Variants in UQCC1 observed in about 807,000 individuals in gnomAD.
UQCC1 encodes ubiquinol-cytochrome c reductase complex assembly factor 1.
A neutral mutation model predicts 48.0 loss-of-function variants in UQCC1; 38 were observed. That is an observed-to-expected ratio of 0.79 (90% CI 0.61 to 1.04). The LOEUF is 1.04. Among genes scored for constraint, UQCC1 ranks in the 50% least tolerant of loss-of-function variants. The pLI is 0.00. For synonymous variants in UQCC1, 111 were observed against 129.2 expected (o/e 0.86, Z 0.95); for missense variants, 368 against 381.8 (o/e 0.96, Z 0.30).
intron 6 of UQCC1, among the ~76,000 whole-genome samples, chr20:35,363,288 G>A (rs1389652273): frequency 6.6e-6 from 1 of 152,154 alleles, no homozygotes; most frequent in Non-Finnish European, 1.5e-5. Context: ...GCCAAGACAG[G>A]ATATAGGGGA....
intron 2 of UQCC1, chr20:35,384,614 C>T (rs1470857836): frequency 4.5e-6 from 2 of 446,608 alleles, no homozygotes; most frequent in Middle Eastern, 3.4e-4. Context: ...TGCACTTCAA[C>T]CTGGGCGACT....
chr20:35,396,113 TG>T (rs1237528420), intron 1 of UQCC1, among the ~76,000 whole-genome samples: 3 of 149,404 alleles, frequency 2.0e-5, no homozygotes, highest in Non-Finnish European at 4.4e-5. Context: ...GACTCCCAAG[TG>T]GCTGGGACTA....
At chr20:35,401,414 G>A (rs1446254121) in intron 1 of UQCC1, among the ~76,000 whole-genome samples, 1 of 152,092 alleles carries the variant, frequency 6.6e-6, no homozygotes, top group Non-Finnish European at 1.5e-5. Context: ...CACTAAACAG[G>A]CCATGAAAAG....
intron 9 of UQCC1, 44 bp from the exon 10 acceptor site, chr20:35,304,113 C>T: frequency 6.2e-7 from 1 of 1,612,086 alleles, no homozygotes; most frequent in Non-Finnish European, 8.5e-7. Flanking sequence ...AGAGGCAGGG[C>T]AGAGGTGAGG....
intron 7 of UQCC1, among the ~76,000 whole-genome samples, chr20:35,321,973 T>C (rs1006413997): frequency 6.6e-6 from 1 of 152,188 alleles, no homozygotes; most frequent in African/African-American, 2.4e-5. Flanking sequence ...GAACACATAA[T>C]ATTAAGTCCA....
At chr20:35,353,978 A>G (rs1347672030) in intron 6 of UQCC1, among the ~76,000 whole-genome samples, 4 of 152,134 alleles carry the variant, frequency 2.6e-5, no homozygotes. Flanking sequence ...GTATGTTTAG[A>G]TACATTTAGA....
intron 7 of UQCC1, among the ~76,000 whole-genome samples, chr20:35,325,948 G>C (rs1461781061): frequency 1.3e-5 from 2 of 152,174 alleles, no homozygotes; most frequent in African/African-American, 4.8e-5. Flanking sequence ...AGGGCAGTTT[G>C]TGTGAGATTG....
At chr20:35,403,372 G>A (rs911493603) in intron 1 of UQCC1, among the ~76,000 whole-genome samples, 5 of 152,020 alleles carry the variant, frequency 3.3e-5, no homozygotes, top group African/African-American at 9.7e-5. Flanking sequence ...TCCTACCCAC[G>A]TCCTGGTAGG....
At chr20:35,380,159 A>G (rs1568694609) in intron 4 of UQCC1, among the ~76,000 whole-genome samples, 3 of 152,192 alleles carry the variant, frequency 2.0e-5, no homozygotes, top group Admixed American at 1.3e-4. Context: ...CAAACAAAAC[A>G]TATACTTTAA....
intron 2 of UQCC1, among the ~76,000 whole-genome samples, chr20:35,385,699 A>C (rs1346677161): frequency 1.3e-5 from 2 of 152,032 alleles, no homozygotes; most frequent in Non-Finnish European, 2.9e-5. Context: ...CAGTGTCTCC[A>C]TATGTTGCCC....
At chr20:35,324,606 G>C (rs1015863508) in intron 7 of UQCC1, among the ~76,000 whole-genome samples, 1 of 152,232 alleles carries the variant, frequency 6.6e-6, no homozygotes, top group Non-Finnish European at 1.5e-5. Flanking sequence ...GATTACAGGC[G>C]TGAGCCACCG....
chr20:35,411,907 A>G, intron 1 of UQCC1, 33 bp downstream of exon 1: 1 of 1,614,106 alleles, frequency 6.2e-7, no homozygotes, highest in Non-Finnish European at 8.5e-7. Context: ...CGGGACCCAG[A>G]GAGCTACCGT....
At chr20:35,360,405 A>G (rs2061593073) in intron 6 of UQCC1, among the ~76,000 whole-genome samples, 1 of 152,068 alleles carries the variant, frequency 6.6e-6, no homozygotes, top group South Asian at 2.1e-4. Flanking sequence ...TCTGCTTTCT[A>G]ACCCTTTCCC....
chr20:35,411,805 C>A, intron 1 of UQCC1, 135 bp downstream of exon 1: 1 of 1,207,164 alleles, frequency 8.3e-7, no homozygotes, highest in South Asian at 1.3e-5. Flanking sequence ...AGTTTCCCCA[C>A]GGAAAAGCGG....
chr20:35,316,734 GTTCAC>G (rs2061063452), intron 7 of UQCC1, among the ~76,000 whole-genome samples: 1 of 152,102 alleles, frequency 6.6e-6, no homozygotes, highest in African/African-American at 2.4e-5. Flanking sequence ...CGCCTCCCGG[GTTCAC>G]AGCATTCTCC....
intron 1 of UQCC1, among the ~76,000 whole-genome samples, chr20:35,395,947 T>A (rs1454306044): frequency 6.6e-6 from 1 of 151,378 alleles, no homozygotes; most frequent in Non-Finnish European, 1.5e-5. Context: ...CATTTTATGA[T>A]TAGATTATAA....
At position 35,308,258 on chromosome 20, in the gene UQCC1, T is replaced by C. The variant is rs2060950216; in HGVS notation, c.652-1479A>G. Reference sequence around the variant, plus strand: ...ACGGTTCCACAGCTTAGGACTGTCCTGGCACAATGGCTGAGTCAGGAAAAC... The same window carrying C: ...ACGGTTCCACAGCTTAGGACTGTCCCGGCACAATGGCTGAGTCAGGAAAAC... On this transcript the variant is annotated intron_variant, in intron 8 of 9. Transcript: ENST00000374385. 2.0e-5 allele frequency among the ~76,000 whole-genome samples: 3 copies of C among 152,260 alleles called. 1 individual carries two copies. In the South Asian group the frequency reaches 6.2e-4, roughly 31 times the overall value.
At chr20:35,344,867 G>A (rs1298797366) in intron 7 of UQCC1, 1 of 152,256 alleles carries the variant, frequency 6.6e-6, no homozygotes, top group African/African-American at 2.4e-5. Flanking sequence ...AGGATTAGAA[G>A]GTTAGGACTT....
chr20:35,357,813 A>G (rs930896687), intron 6 of UQCC1, among the ~76,000 whole-genome samples: 1 of 152,206 alleles, frequency 6.6e-6, no homozygotes, highest in African/African-American at 2.4e-5. Context: ...CTCTGACCAT[A>G]TAACAATAAC....
Sources: gnomAD v4.1 joint callset for allele counts (sites outside exome capture counted in the v4.1 genomes callset) on GRCh38, gnomAD v4.1.1 for gene constraint, MANE v1.5 for transcripts, NCBI Gene and HGNC (gene_info 2026-07-23, HGNC 2026-07-21) for gene names.